Variants in CEP63 observed in about 807,000 individuals in gnomAD.
CEP63 encodes the protein centrosomal protein of 63 kDa.
CEP63 carries 84 observed loss-of-function variants against 89.1 expected under a neutral mutation model. The ratio of observed to expected loss-of-function variants is 0.94; its 90% CI spans 0.79 to 1.13. The LOEUF (loss-of-function observed/expected upper bound fraction) is 1.13, where lower values mean the gene tolerates loss of function less well. CEP63 is among the 50% of genes most tolerant of loss of function. CEP63 has a pLI of 0.00. For synonymous variants in CEP63, 267 were observed against 272.5 expected (o/e 0.98, Z 0.20); for missense variants, 838 against 813.3 (o/e 1.03, Z -0.37).
At chr3:134,697,620 C>G in the CEP63 span, among the ~76,000 whole-genome samples, 1 of 152,152 alleles carries the variant, frequency 6.6e-6, no homozygotes, top group African/African-American at 2.4e-5. Flanking sequence ...GCCCTCTTCC[C>G]TCATGATTGT....
the CEP63 span, among the ~76,000 whole-genome samples, chr3:134,621,919 T>C: frequency 3.3e-5 from 5 of 152,000 alleles, no homozygotes; most frequent in Non-Finnish European, 5.9e-5. Flanking sequence ...AACAGATATT[T>C]CTCTAAAGAA....
intron 3 of CEP63, among the ~76,000 whole-genome samples, chr3:134,530,757 T>C (rs1361293042): frequency 6.6e-6 from 1 of 152,218 alleles, no homozygotes; most frequent in Non-Finnish European, 1.5e-5. Flanking sequence ...TTAGAATGAC[T>C]TTTTCAAGTT....
chr3:134,596,690 C>G, the CEP63 span, among the ~76,000 whole-genome samples: 1 of 152,156 alleles, frequency 6.6e-6, no homozygotes, highest in South Asian at 2.1e-4. Flanking sequence ...ACTTGCCAAG[C>G]GTTTACCAAA....
At chr3:134,711,700 T>C in the CEP63 span, among the ~76,000 whole-genome samples, 1 of 152,184 alleles carries the variant, frequency 6.6e-6, no homozygotes, top group African/African-American at 2.4e-5. Flanking sequence ...GTCTTCTAAC[T>C]AGCTGTTAGA....
chr3:134,669,733 A>T, the CEP63 span, among the ~76,000 whole-genome samples: 1 of 152,194 alleles, frequency 6.6e-6, no homozygotes, highest in African/African-American at 2.4e-5. Context: ...TTGAATCAAG[A>T]TTTTAAATAA....
chr3:134,691,896 G>A, the CEP63 span, among the ~76,000 whole-genome samples: 2 of 151,974 alleles, frequency 1.3e-5, no homozygotes, highest in Non-Finnish European at 2.9e-5. Context: ...ATTTTTAGTA[G>A]AGATGAGGTT....
chr3:134,583,753 C>CT (rs1958418170), intron 10 of CEP63, among the ~76,000 whole-genome samples: 1 of 152,182 alleles, frequency 6.6e-6, no homozygotes, highest in South Asian at 2.1e-4. Context: ...GGCATTGAAT[C>CT]TATAAATTAC....
At chr3:134,730,528 G>C in the CEP63 span, among the ~76,000 whole-genome samples, 10 of 151,778 alleles carry the variant, frequency 6.6e-5, no homozygotes, top group Non-Finnish European at 1.5e-5. Context: ...AAATAGTGTG[G>C]ATACATATAT....
chr3:134,506,097 A>G (rs1943381968), intron 2 of CEP63, among the ~76,000 whole-genome samples: 1 of 152,180 alleles, frequency 6.6e-6, no homozygotes, highest in African/African-American at 2.4e-5. Flanking sequence ...TGTCACACTA[A>G]GAACAGGTGC....
In CEP63 at chr3:134,547,373, C is replaced by G. The variant is rs1022823101; in HGVS notation, c.968C>G (p.Ser323Cys). Residue 323 changes from serine to cysteine, a missense_variant, in exon 9 of 15, where the codon TCT becomes TGT. Ser to Cys is a moderately radical substitution (Grantham distance 112). Coordinates refer to ENST00000675561, the MANE Select transcript of CEP63 (RefSeq NM_001353108.3). Reference sequence around the variant, plus strand: ...TCTCTGGCAGAAAAGAAGTACACCTCTCAAGGGCAGGGGGACTTAGACAGT... The same window carrying G: ...TCTCTGGCAGAAAAGAAGTACACCTGTCAAGGGCAGGGGGACTTAGACAGT... Reference protein sequence around the residue: ...EESLAEKKYTSQGQGDLDSVL... With the variant: ...EESLAEKKYTCQGQGDLDSVL... 1 of 1,613,528 alleles carries G rather than the reference C, an allele frequency of 6.2e-7. No homozygotes were observed. The highest frequency in any genetic ancestry group is 1.3e-5 in the African/African-American group (1 of 74,904).
chr3:134,677,190 C>T, the CEP63 span, among the ~76,000 whole-genome samples: 1 of 151,166 alleles, frequency 6.6e-6, no homozygotes, highest in South Asian at 2.1e-4. Flanking sequence ...ACCCGGCAGG[C>T]GGAGGTTGCA....
intron 1 of CEP63, among the ~76,000 whole-genome samples, chr3:134,490,037 T>C (rs1484102577): frequency 6.6e-6 from 1 of 152,184 alleles, no homozygotes; most frequent in Admixed American, 6.5e-5. Flanking sequence ...TATAGATTTC[T>C]GGTCTTCAAG....
the CEP63 span, among the ~76,000 whole-genome samples, chr3:134,635,310 A>C: frequency 6.6e-6 from 1 of 152,042 alleles, no homozygotes; most frequent in Non-Finnish European, 1.5e-5. Context: ...AAGCCTGGCC[A>C]ATATGGTGAA....
chr3:134,494,369 G>A (rs1362835515), intron 1 of CEP63, among the ~76,000 whole-genome samples: 2 of 151,724 alleles, frequency 1.3e-5, no homozygotes. Context: ...GCCTCCCTCG[G>A]CCTCCCAAGT....
chr3:134,508,535 G>A (rs1259479995), intron 3 of CEP63, among the ~76,000 whole-genome samples: 1 of 152,166 alleles, frequency 6.6e-6, no homozygotes, highest in Non-Finnish European at 1.5e-5. Flanking sequence ...TGAAATGAAA[G>A]TGGTTTTCTG....
the CEP63 span, chr3:134,629,371 T>C: frequency 2.0e-6 from 1 of 489,110 alleles, no homozygotes; most frequent in Non-Finnish European, 3.7e-6. Context: ...ACTCTTGTGA[T>C]GCAATGTGTC....
At chr3:134,635,734 A>C in the CEP63 span, among the ~76,000 whole-genome samples, 1 of 152,140 alleles carries the variant, frequency 6.6e-6, no homozygotes, top group Non-Finnish European at 1.5e-5. Flanking sequence ...ACTGTATGTT[A>C]ATTTAAAATA....
At chr3:134,635,429 G>A in the CEP63 span, among the ~76,000 whole-genome samples, 2,920 of 149,782 alleles carry the variant, frequency 0.019, 45 homozygotes, top group Non-Finnish European at 0.029. Context: ...CCTGGGAGGC[G>A]GAGGTTGCAG....
intron 6 of CEP63, among the ~76,000 whole-genome samples, chr3:134,540,017 G>C (rs1180334005): frequency 6.6e-6 from 1 of 152,126 alleles, no homozygotes. Context: ...TATGCACTGT[G>C]AATGGGAAAG....
Sources: allele counts gnomAD v4.1 joint callset (sites outside exome capture counted in the v4.1 genomes callset), GRCh38; gene constraint gnomAD v4.1.1; transcripts MANE v1.5; gene names NCBI Gene and HGNC (gene_info 2026-07-23, HGNC 2026-07-21).